RAB38: variants seen among roughly 807,000 people sequenced by gnomAD.
RAB38 encodes ras-related protein Rab-38.
RAB38 carries 15 observed loss-of-function variants against 18.4 expected under a neutral mutation model. The observed-to-expected ratio is 0.82, with a 90% confidence interval of 0.55 to 1.26. The LOEUF (loss-of-function observed/expected upper bound fraction) is 1.26, where lower values mean the gene tolerates loss of function less well. Among genes scored for constraint, RAB38 ranks in the 50% most tolerant of loss-of-function variants. RAB38 has a pLI of 0.00. For synonymous variants in RAB38, 101 were observed against 104.4 expected (o/e 0.97, Z 0.20); for missense variants, 294 against 267.4 (o/e 1.10, Z -0.69).
the RAB38 span, among the ~76,000 whole-genome samples, chr11:88,013,806 A>G: frequency 6.6e-6 from 1 of 152,184 alleles, no homozygotes; most frequent in Non-Finnish European, 1.5e-5. Context: ...TGAAATGGCT[A>G]TTTTTCAAGG....
chr11:87,904,238 C>T, the RAB38 span, among the ~76,000 whole-genome samples: 45,745 of 151,548 alleles, frequency 0.3, 8,721 homozygotes, highest in African/African-American at 0.55. Context: ...TTTTCAACCA[C>T]TGCTATCCTC....
chr11:87,852,776 A>G, the RAB38 span, among the ~76,000 whole-genome samples: 1 of 152,170 alleles, frequency 6.6e-6, no homozygotes, highest in Non-Finnish European at 1.5e-5. Flanking sequence ...AACAACACAG[A>G]ACACAATCTT....
the RAB38 span, among the ~76,000 whole-genome samples, chr11:87,810,853 A>G: frequency 6.6e-6 from 1 of 151,994 alleles, no homozygotes; most frequent in African/African-American, 2.4e-5. Flanking sequence ...GTATCCGTAC[A>G]TGTCTGCAGC....
At chr11:87,959,320 A>G in the RAB38 span, among the ~76,000 whole-genome samples, 1 of 152,176 alleles carries the variant, frequency 6.6e-6, no homozygotes, top group Non-Finnish European at 1.5e-5. Flanking sequence ...GTAAGCTAAG[A>G]CTATTACCTT....
the RAB38 span, among the ~76,000 whole-genome samples, chr11:87,950,796 T>G: frequency 2.0e-3 from 307 of 152,352 alleles, 1 homozygote; most frequent in African/African-American, 7.2e-3. Context: ...TAACCCGACC[T>G]TTCTCTCTGG....
chr11:87,814,496 T>C, the RAB38 span, among the ~76,000 whole-genome samples: 1 of 152,190 alleles, frequency 6.6e-6, no homozygotes, highest in Non-Finnish European at 1.5e-5. Flanking sequence ...ATGCATGAAG[T>C]ACATAAAAGC....
chr11:88,007,332 C>A, the RAB38 span, among the ~76,000 whole-genome samples: 2 of 137,566 alleles, frequency 1.5e-5, no homozygotes, highest in Admixed American at 7.8e-5. Flanking sequence ...ACACTGTTAA[C>A]AAAATAATTC....
At chr11:87,847,216 G>A in the RAB38 span, among the ~76,000 whole-genome samples, 9 of 151,880 alleles carry the variant, frequency 5.9e-5, no homozygotes, top group Non-Finnish European at 1.3e-4. Flanking sequence ...GTAAAAATCT[G>A]TTTTTTAAAA....
chr11:88,149,637 C>T (rs1261336107), intron 2 of RAB38, 38 bp downstream of exon 2: 27 of 1,562,880 alleles, frequency 1.7e-5, no homozygotes, highest in Non-Finnish European at 2.3e-5. Context: ...CTTTGTGAAC[C>T]TTGCTTATAT....
chr11:87,847,953 T>C, the RAB38 span, among the ~76,000 whole-genome samples: 1 of 152,050 alleles, frequency 6.6e-6, no homozygotes, highest in Admixed American at 6.6e-5. Context: ...GGCCAACAAT[T>C]ACCAATTAAA....
At chr11:87,928,730 G>C in the RAB38 span, among the ~76,000 whole-genome samples, 8 of 151,880 alleles carry the variant, frequency 5.3e-5, no homozygotes, top group African/African-American at 1.9e-4. Flanking sequence ...GAACCACAAA[G>C]AATTGTATAA....
At chr11:87,926,268 A>G in the RAB38 span, among the ~76,000 whole-genome samples, 3 of 151,938 alleles carry the variant, frequency 2.0e-5, no homozygotes, top group Non-Finnish European at 4.4e-5. Flanking sequence ...CTTCAAACCT[A>G]TGTTCCTGAC....
chr11:87,919,497 T>C, the RAB38 span, among the ~76,000 whole-genome samples: 3 of 151,862 alleles, frequency 2.0e-5, no homozygotes, highest in Non-Finnish European at 4.4e-5. Flanking sequence ...TTGAATTTGG[T>C]TTGCTATTAT....
chr11:87,906,481 GAC>G, the RAB38 span, among the ~76,000 whole-genome samples: 4 of 151,884 alleles, frequency 2.6e-5, no homozygotes, highest in African/African-American at 9.7e-5. Context: ...GTGCTTTGAA[GAC>G]ACATAACACA....
the RAB38 span, among the ~76,000 whole-genome samples, chr11:87,836,059 G>A: frequency 2.6e-5 from 4 of 152,128 alleles, no homozygotes; most frequent in South Asian, 2.1e-4. Context: ...CCATAATAAT[G>A]TGGGGGAAGC....
the RAB38 span, among the ~76,000 whole-genome samples, chr11:87,950,434 T>G: frequency 1.3e-5 from 2 of 152,328 alleles, no homozygotes. Context: ...CATTATGATG[T>G]TAGCTGGTTA....
the RAB38 span, among the ~76,000 whole-genome samples, chr11:87,836,304 T>C: frequency 6.6e-6 from 1 of 152,218 alleles, no homozygotes; most frequent in Admixed American, 6.5e-5. Context: ...AATATATTTC[T>C]CTTTAATCTG....
chr11:88,084,360 G>C, the RAB38 span, among the ~76,000 whole-genome samples: 1 of 151,522 alleles, frequency 6.6e-6, no homozygotes, highest in Non-Finnish European at 1.5e-5. Flanking sequence ...GCTTTGAAAG[G>C]GATGAAATAT....
chr11:87,854,950 A>G, the RAB38 span, among the ~76,000 whole-genome samples: 1 of 152,008 alleles, frequency 6.6e-6, no homozygotes, highest in African/African-American at 2.4e-5. Context: ...GCCCACCACC[A>G]TGCCTGGCTA....
Sources: allele counts gnomAD v4.1 joint callset (sites outside exome capture counted in the v4.1 genomes callset), GRCh38; gene constraint gnomAD v4.1.1; transcripts MANE v1.5; gene names NCBI Gene and HGNC (gene_info 2026-07-23, HGNC 2026-07-21).